MAP3K20: variants seen among roughly 807,000 people sequenced by gnomAD.
MAP3K20 encodes HCCS-4.
Under a neutral mutation model 85.7 loss-of-function variants are expected in MAP3K20, and 40 were observed. The observed-to-expected ratio is 0.47, with a 90% CI of 0.36 to 0.61. The LOEUF (loss-of-function observed/expected upper bound fraction) is 0.61, where lower values mean the gene tolerates loss of function less well. Ranked by LOEUF, MAP3K20 falls within the 20% of genes least tolerant of loss-of-function variation. The pLI is 0.00. For missense variants in MAP3K20, 817 were observed against 961.7 expected (o/e 0.85, Z 1.99); for synonymous variants, 325 against 327.7 (o/e 0.99, Z 0.09).
Position 173,266,723 on chromosome 2 carries a change from G to T in MAP3K20, c.2376G>T (p.Gly792=), listed in dbSNP as rs1017312944. ...AAACCAATAAAGAGAGAGCCAGAGG[G>T]GACCACCGTGGATGGAGAAACTTTT... ...PAKTNKERAR[G]DHRGWRNF Residue 792 remains glycine (G), a synonymous_variant, in exon 20 of 20, where the codon GGG becomes GGT. Coordinates refer to ENST00000375213, the MANE Select transcript of MAP3K20 (RefSeq NM_016653.3). 1.3e-6 allele frequency: 2 copies of T among 1,551,354 alleles called. No individual in the cohort carries two copies. Among genetic ancestry groups the T allele is most frequent in the Non-Finnish European group, 1.7e-6 (2 of 1,149,098 alleles).
At chr2:173,122,131 AC>A (rs1688313116) in intron 2 of MAP3K20, among the ~76,000 whole-genome samples, 1 of 152,170 alleles carries the variant, frequency 6.6e-6, no homozygotes. Flanking sequence ...ATAAGCAATC[AC>A]CCGTGAATTA....
chr2:173,223,883 C>T (rs1354440488), intron 11 of MAP3K20: 1 of 985,314 alleles, frequency 1.0e-6, no homozygotes, highest in Non-Finnish European at 1.2e-6. Context: ...GCTTGGGACT[C>T]CTGTCTTTCC....
At position 173,078,220 on chromosome 2, in the gene MAP3K20, T is replaced by C. The variant is rs546178400; in HGVS notation, c.-35+2218T>C. Among the ~76,000 whole-genome samples, 274 of 152,294 alleles carry C rather than the reference T, an allele frequency of 1.8e-3. 1 individual carries two copies. The highest frequency in any genetic ancestry group is 4.7e-4 in the Non-Finnish European group (32 of 68,012). ...GTTTTGTTTTTGTTTTTGTTTAAAC[T>C]GGAAAAAGATGTTTGTGGGGATATA... On this transcript the variant is annotated intron_variant, in intron 1 of 19. Transcript: ENST00000375213.
Position 173,238,406 on chromosome 2 carries a change from A to C in MAP3K20, c.1237A>C (p.Asn413His). ...AIEKLTHDYI[N>H]LFHFPPLIKD... ...TGAGAAATTAACCCATGATTACATA[A>C]ATTTGTTTCACTTCCCACCACTAAT... The change falls in exon 15 of 20, where the codon AAT (asparagine) becomes CAT (histidine). Residue 413 changes from asparagine to histidine, a missense_variant. By Grantham distance (68) the Asn-to-His change is moderately conservative. Transcript: ENST00000375213. 1 of 1,612,970 alleles carries C rather than the reference A, an allele frequency of 6.2e-7. No individual in the cohort carries two copies. The highest frequency in any genetic ancestry group is 1.1e-5 in the South Asian group (1 of 90,844).
At chr2:173,092,799 A>G (rs183146692) in intron 2 of MAP3K20, among the ~76,000 whole-genome samples, 7 of 152,290 alleles carry the variant, frequency 4.6e-5, no homozygotes, top group African/African-American at 1.4e-4. Flanking sequence ...CCCCTCCCCA[A>G]GGATACCTAC....
At chr2:173,173,181 TG>T (rs1690054045) in intron 3 of MAP3K20, among the ~76,000 whole-genome samples, 1 of 140,814 alleles carries the variant, frequency 7.1e-6, no homozygotes, top group Non-Finnish European at 1.6e-5. Context: ...TGTGTGTGTG[TG>T]TGTGTGTGTG....
At position 173,266,169 on chromosome 2, in the gene MAP3K20, C is replaced by T. The variant is rs1333802583; in HGVS notation, c.1822C>T (p.Gln608Ter). Residue 608 changes from glutamine to a stop codon, truncating the protein, a stop_gained, in exon 20 of 20, where the codon CAG (glutamine) becomes TAG (stop). Transcript: ENST00000375213. LOFTEE classifies it low-confidence loss of function (END_TRUNC). Reference sequence around the variant, plus strand: ...ACCGTTCTTCTCACACTTTGATGGCCAGGATTCCTACGCTGCTGCTGTGAG... The same window carrying T: ...ACCGTTCTTCTCACACTTTGATGGCTAGGATTCCTACGCTGCTGCTGTGAG... ...GSPFFSHFDG[Q>*]DSYAAAVRRP... 1 of 1,614,056 alleles carries T rather than the reference C, an allele frequency of 6.2e-7. No individual in the cohort carries two copies. The highest frequency in any genetic ancestry group is 8.5e-7 in the Non-Finnish European group (1 of 1,180,018).
intron 19 of MAP3K20, among the ~76,000 whole-genome samples, chr2:173,265,033 C>T (rs1685384768): frequency 1.7e-5 from 2 of 114,470 alleles, no homozygotes; most frequent in Admixed American, 1.8e-4. Flanking sequence ...AAAATACACA[C>T]ATACACACAA....
intron 2 of MAP3K20, among the ~76,000 whole-genome samples, chr2:173,091,418 T>C (rs1387771521): frequency 6.6e-6 from 1 of 152,142 alleles, no homozygotes; most frequent in Non-Finnish European, 1.5e-5. Context: ...AGAGGATTTC[T>C]TTCCAGGGCA....
chr2:173,252,410 C>A (rs1176431166), intron 16 of MAP3K20, among the ~76,000 whole-genome samples: 1 of 152,174 alleles, frequency 6.6e-6, no homozygotes, highest in Admixed American at 6.5e-5. Context: ...GCTTTCTCAT[C>A]CTCCATTAGC....
At chr2:173,115,591 T>G (rs1297100308) in intron 2 of MAP3K20, among the ~76,000 whole-genome samples, 1 of 152,156 alleles carries the variant, frequency 6.6e-6, no homozygotes, top group Non-Finnish European at 1.5e-5. Context: ...TAGATTATTT[T>G]GTCCCATGAG....
intron 1 of MAP3K20, among the ~76,000 whole-genome samples, chr2:173,081,116 C>T (rs1455883918): frequency 6.6e-6 from 1 of 151,966 alleles, no homozygotes; most frequent in African/African-American, 2.4e-5. Flanking sequence ...GTGGATTTTG[C>T]ATTCTCTTCT....
rs1376903836 is a variant in MAP3K20 at position 173,191,021 on chromosome 2, C to T, written c.445-19C>T. 3.1e-6 allele frequency: 5 copies of T among 1,612,902 alleles called. No homozygotes were observed. Among genetic ancestry groups the T allele is most frequent in the African/African-American group, 2.7e-5 (2 of 74,856 alleles). ...TTAGCCAATAAGTAGAAAGTTGACA[C>T]TGATTCCTGTTTTCTCAGATCTGTG... On this transcript the variant is annotated intron_variant, in intron 6 of 19. Transcript: ENST00000375213.
At chr2:173,103,080 AG>A (rs1185025934) in intron 2 of MAP3K20, among the ~76,000 whole-genome samples, 2 of 152,176 alleles carry the variant, frequency 1.3e-5, no homozygotes, top group African/African-American at 2.4e-5. Flanking sequence ...AAAGAAAAAA[AG>A]AAATATATAC....
At position 173,091,223 on chromosome 2, in the gene MAP3K20, C is replaced by T. The variant is rs561185093; in HGVS notation, c.159+33C>T. On this transcript the variant is annotated intron_variant, in intron 2 of 19. Transcript: ENST00000375213. ...CTTTTCCAGCTGACAGAAACAGTCA[C>T]GATACCATTTATGTAAGCTTTTTCA... The T allele has an allele frequency of 8.5e-5, 135 of 1,594,696 alleles. 3 individuals carry two copies. In the South Asian group the frequency reaches 1.2e-3, roughly 14 times the overall value.
intron 3 of MAP3K20, among the ~76,000 whole-genome samples, chr2:173,174,349 C>T (rs1016185375): frequency 2.3e-4 from 35 of 152,260 alleles, no homozygotes; most frequent in African/African-American, 8.2e-4. Flanking sequence ...CTCTCCCTCC[C>T]CTAGCATTAA....
intron 7 of MAP3K20, among the ~76,000 whole-genome samples, chr2:173,191,688 G>T (rs975077069): frequency 1.3e-5 from 2 of 152,240 alleles, no homozygotes; most frequent in South Asian, 4.1e-4. Flanking sequence ...GCACTTACCA[G>T]ATGACCTTGT....
At chr2:173,205,769 TGTTA>T (rs1178018263) in intron 9 of MAP3K20, among the ~76,000 whole-genome samples, 2 of 152,272 alleles carry the variant, frequency 1.3e-5, no homozygotes, top group South Asian at 2.1e-4. Context: ...TTTTAAACTG[TGTTA>T]GTATTTTATT....
At chr2:173,227,375 A>C (rs1286117402) in intron 11 of MAP3K20, among the ~76,000 whole-genome samples, 1 of 152,152 alleles carries the variant, frequency 6.6e-6, no homozygotes, top group Non-Finnish European at 1.5e-5. Context: ...CAGCAGATAC[A>C]CTGATATGTT....
Sources: gnomAD v4.1 joint callset for allele counts (sites outside exome capture counted in the v4.1 genomes callset) on GRCh38, gnomAD v4.1.1 for gene constraint, MANE v1.5 for transcripts, NCBI Gene and HGNC (gene_info 2026-07-23, HGNC 2026-07-21) for gene names.